NRP1: variants seen among roughly 807,000 people sequenced by gnomAD.
NRP1 encodes the protein neuropilin-1.
A neutral mutation model predicts 106.7 loss-of-function variants in NRP1; 35 were observed. That is an observed-to-expected ratio of 0.33 (90% CI 0.25 to 0.43). NRP1 has a LOEUF of 0.43. Ranked by LOEUF, NRP1 falls within the 20% of genes least tolerant of loss-of-function variation. The pLI, the probability that NRP1 is intolerant of heterozygous loss-of-function variation, is 1.00. For synonymous variants in NRP1, 437 were observed against 417.9 expected (o/e 1.05, Z -0.56); for missense variants, 1,024 against 1,170.4 (o/e 0.87, Z 1.83).
Position 33,213,502 on chromosome 10 carries a change from T to TG in NRP1, c.1497dup (p.Ile500HisfsTer33). The stretch of plus-strand genomic sequence containing the variant: ...TTCTCTCGGTGCTTCCCACCCTGAA[T>TG]GATGATGCCCCTCACGATCTTCTCC... On this transcript the variant is annotated frameshift_variant, in exon 9 of 17. Coordinates refer to ENST00000374867, the MANE Select transcript of NRP1 (RefSeq NM_003873.7). LOFTEE classifies it high-confidence loss of function. 6.2e-7 allele frequency: 1 copy of TG among 1,614,016 alleles called. No homozygotes were observed. The highest frequency in any genetic ancestry group is 8.5e-7 in the Non-Finnish European group (1 of 1,180,004).
At chr10:33,201,800 A>C (rs1018063866) in intron 11 of NRP1, 2 of 152,188 alleles carry the variant, frequency 1.3e-5, no homozygotes, top group Non-Finnish European at 2.9e-5. Context: ...TTTCTGGGAC[A>C]GATTTTCAAT....
At chr10:33,297,931 C>T (rs1207160662) in intron 2 of NRP1, among the ~76,000 whole-genome samples, 2 of 151,922 alleles carry the variant, frequency 1.3e-5, no homozygotes, top group African/African-American at 2.4e-5. Flanking sequence ...AAAAAAATCC[C>T]CTGGAATCAT....
Position 33,263,372 on chromosome 10 carries a change from AATTATAT to A in NRP1, c.658+267_658+273del, listed in dbSNP as rs1243144263. ...GAGAGAAAAACTATGTGTTTGTCTCAATTATATCACAAAAATAGCTAAAAGAACCTTT... is the reference window on the plus strand; with the variant it reads ...GAGAGAAAAACTATGTGTTTGTCTCACACAAAAATAGCTAAAAGAACCTTT... On this transcript the variant is annotated intron_variant, in intron 4 of 16. Transcript: ENST00000374867. Among the ~76,000 whole-genome samples, 324 of 152,338 alleles carry A rather than the reference AATTATAT, an allele frequency of 2.1e-3. 2 individuals carry two copies. Among genetic ancestry groups the A allele is most frequent in the African/African-American group, 7.1e-3 (297 of 41,574 alleles).
rs575923169 is a variant in NRP1 at position 33,259,656 on chromosome 10, C to A, written c.659-3185G>T. On this transcript the variant is annotated intron_variant, in intron 4 of 16. Transcript: ENST00000374867. ...GAGAGCTATAATGATCATATCGTAT[C>A]AGATGTGAAAGGAATATAGTATTTG... is the stretch of plus-strand genomic sequence containing the variant. Among the ~76,000 whole-genome samples the A allele has an allele frequency of 7.9e-5, 12 of 152,230 alleles. No homozygotes were observed. The East Asian group carries it at 1.9e-3, about 25-fold the overall frequency.
Position 33,298,817 on chromosome 10 carries a change from C to T in NRP1, c.249-27961G>A, listed in dbSNP as rs530244001. 1.5e-3 allele frequency among the ~76,000 whole-genome samples: 233 copies of T among 152,236 alleles called. 2 individuals carry two copies. Among genetic ancestry groups the T allele is most frequent in the African/African-American group, 5.3e-3 (222 of 41,526 alleles). On this transcript the variant is annotated intron_variant, in intron 2 of 16. Coordinates refer to ENST00000374867, the MANE Select transcript of NRP1 (RefSeq NM_003873.7). ...TTTACACGCATACCACCAGGCACAC[C>T]GTAGACACCACACGAATTCTAGCTG...
intron 13 of NRP1, among the ~76,000 whole-genome samples, chr10:33,189,899 CT>C (rs1836291535): frequency 6.6e-6 from 1 of 152,144 alleles, no homozygotes. Flanking sequence ...TAGTTCCTGC[CT>C]TTCAGATGTC....
rs111685979 is a variant in NRP1 at position 33,285,039 on chromosome 10, C to T, written c.249-14183G>A. 5.2e-3 allele frequency among the ~76,000 whole-genome samples: 787 copies of T among 152,304 alleles called. 7 individuals carry two copies. The highest frequency in any genetic ancestry group is 7.0e-3 in the Non-Finnish European group (474 of 68,026). On this transcript the variant is annotated intron_variant, in intron 2 of 16. Transcript: ENST00000374867. ...CAATCTAGTTCTTTCTCCTATTCTG[C>T]CTTCAACATTAAGGATTTAATTTGA...
intron 2 of NRP1, among the ~76,000 whole-genome samples, chr10:33,310,746 G>T (rs919350323): frequency 1.3e-5 from 2 of 152,028 alleles, no homozygotes; most frequent in Non-Finnish European, 2.9e-5. Context: ...GAGTGGCTGG[G>T]GTTCTTTCGT....
At chr10:33,322,028 C>T (rs1847545786) in intron 2 of NRP1, among the ~76,000 whole-genome samples, 1 of 152,182 alleles carries the variant, frequency 6.6e-6, no homozygotes, top group African/African-American at 2.4e-5. Flanking sequence ...CCTTACAGAG[C>T]CACCGTGGCA....
At chr10:33,301,053 C>T (rs1845766228) in intron 2 of NRP1, among the ~76,000 whole-genome samples, 1 of 152,164 alleles carries the variant, frequency 6.6e-6, no homozygotes, top group Non-Finnish European at 1.5e-5. Flanking sequence ...GCCCCATTCT[C>T]TCCTCCATGG....
chr10:33,324,102 T>A (rs904570312), intron 2 of NRP1, among the ~76,000 whole-genome samples: 1 of 152,240 alleles, frequency 6.6e-6, no homozygotes, highest in African/African-American at 2.4e-5. Flanking sequence ...AAATTCATTA[T>A]GATCAAATGT....
chr10:33,197,674 C>T lies in NRP1; in HGVS notation c.1900G>A (p.Val634Ile), dbSNP rs757782302. 1 of 1,606,282 alleles carries T rather than the reference C, an allele frequency of 6.2e-7. No individual in the cohort carries two copies. Among genetic ancestry groups the T allele is most frequent in the East Asian group, 2.2e-5 (1 of 44,642 alleles). Residue 634 changes from valine (V) to isoleucine (I), a missense_variant, in exon 12 of 17, where the codon GTC becomes ATC. Around this residue, in one of 5 missense-constraint regions of NRP1, gnomAD observed 562 missense variants for 620.3 expected, o/e 0.91. Coordinates refer to ENST00000374867, the MANE Select transcript of NRP1 (RefSeq NM_003873.7). ...TTVLATEKPTVIDSTIQSEFP... is the reference protein window; with the variant it reads ...TTVLATEKPTIIDSTIQSEFP... ...CCTGATTGTATGGTGCTGTCTATGA[C>T]CGTGGGCTTTTCTGTGGCCAGCACA...
At chr10:33,222,606 C>T (rs971969383) in intron 7 of NRP1, among the ~76,000 whole-genome samples, 9 of 151,882 alleles carry the variant, frequency 5.9e-5, no homozygotes, top group Admixed American at 2.0e-4. Flanking sequence ...CTGCGGCCTC[C>T]GCCTCCCGGG....
At chr10:33,292,393 T>C (rs144061368) in intron 2 of NRP1, among the ~76,000 whole-genome samples, 31 of 152,370 alleles carry the variant, frequency 2.0e-4, no homozygotes, top group African/African-American at 7.5e-4. Context: ...CCCTCTTATC[T>C]TTCCAGCATA....
At chr10:33,319,002 CTTT>C (rs36010472) in intron 2 of NRP1, among the ~76,000 whole-genome samples, 1 of 90,766 alleles carries the variant, frequency 1.1e-5, no homozygotes, top group Admixed American at 1.3e-4. Context: ...TCTTTTCTTT[CTTT>C]TTTTTTTTTT....
chr10:33,198,463 G>A lies in NRP1; in HGVS notation c.1865-754C>T, dbSNP rs79164096. ...AGCCTGCAATTTTCAAGTAGACAAC[G>A]TATCCTAACACCTTTCTTTACAAAG... On this transcript the variant is annotated intron_variant, in intron 11 of 16. Transcript: ENST00000374867. Among the ~76,000 whole-genome samples, 342 of 152,036 alleles carry A rather than the reference G, an allele frequency of 2.2e-3. 1 individual carries two copies. Among genetic ancestry groups the A allele is most frequent in the African/African-American group, 7.8e-3 (325 of 41,470 alleles).
intron 7 of NRP1, 85 bp from the exon 8 acceptor site, chr10:33,221,948 T>C (rs1588761490): frequency 7.0e-7 from 1 of 1,420,564 alleles, no homozygotes. Flanking sequence ...GTTGTAAAAA[T>C]TATTTACAAT....
At chr10:33,317,313 C>G (rs1847110394) in intron 2 of NRP1, among the ~76,000 whole-genome samples, 1 of 152,206 alleles carries the variant, frequency 6.6e-6, no homozygotes, top group African/African-American at 2.4e-5. Context: ...TGCAAACATG[C>G]TCTTTGGTGT....
In NRP1 at chr10:33,186,394, G is replaced by A; in HGVS notation, c.2157C>T (p.Ala719=). ...TGTGATACCAGAAGGTCATGCAGTG[G>A]GCAGAGTTCTGGGAATAAACCACAG... ...VSPVVYSQNS[A]HCMTFWYHMS... is the part of the protein sequence containing the mutation. Residue 719 remains alanine, a synonymous_variant, in exon 14 of 17, where the codon GCC becomes GCT. Coordinates refer to ENST00000374867, the MANE Select transcript of NRP1 (RefSeq NM_003873.7). 1 of 1,614,144 alleles carries A rather than the reference G, an allele frequency of 6.2e-7. No homozygotes were observed. The highest frequency in any genetic ancestry group is 1.3e-5 in the African/African-American group (1 of 75,042).
Sources: allele counts gnomAD v4.1 joint callset (sites outside exome capture counted in the v4.1 genomes callset), GRCh38; gene constraint gnomAD v4.1.1; regional missense constraint gnomAD v4.1.1; transcripts MANE v1.5; gene names NCBI Gene and HGNC (gene_info 2026-07-23, HGNC 2026-07-21).